NUP214: variants seen among roughly 807,000 people sequenced by gnomAD.
The protein encoded by NUP214 is nuclear pore complex protein Nup214.
A neutral mutation model predicts 196.2 loss-of-function variants in NUP214; 79 were observed. The observed-to-expected ratio is 0.40, with a 90% CI of 0.34 to 0.49. The LOEUF (loss-of-function observed/expected upper bound fraction) is 0.49, where lower values mean the gene tolerates loss of function less well. Ranked by LOEUF, NUP214 falls within the 20% of genes least tolerant of loss-of-function variation. The probability of loss-of-function intolerance (pLI) is 0.58; values close to 1 mark genes in which losing one functional copy is unlikely to be tolerated. For synonymous variants in NUP214, 1,020 were observed against 990.5 expected, an observed-to-expected ratio of 1.03 and a Z score of -0.56; for missense variants, 2,468 against 2,539.0, an observed-to-expected ratio of 0.97 and a Z score of 0.60.
intron 17 of NUP214, among the ~76,000 whole-genome samples, chr9:131,153,536 A>G (rs1832337039): frequency 6.6e-6 from 1 of 152,106 alleles, no homozygotes; most frequent in Admixed American, 6.6e-5. Flanking sequence ...TCCGAGCTAC[A>G]TGTTGTTCCT....
At chr9:131,210,207 C>G (rs191811374) in intron 30 of NUP214, among the ~76,000 whole-genome samples, 5 of 152,242 alleles carry the variant, frequency 3.3e-5, no homozygotes, top group Admixed American at 1.3e-4. Context: ...CAGCAAAAAC[C>G]AACCTATAGA....
intron 21 of NUP214, among the ~76,000 whole-genome samples, chr9:131,173,270 C>G (rs1445426935): frequency 1.3e-5 from 2 of 150,696 alleles, no homozygotes; most frequent in Non-Finnish European, 2.9e-5. Flanking sequence ...ATTTGCCAGG[C>G]TGGTCTTGAA....
Position 131,151,721 on chromosome 9 carries a change from T to C in NUP214, c.2278-15T>C, listed in dbSNP as rs1230588242. On this transcript the variant is annotated splice_polypyrimidine_tract_variant and intron_variant, in intron 16 of 35. Transcript: ENST00000359428. Reference sequence around the variant, plus strand: ...AACAACTTTTTGTACCAACACATTATTGTACTTTTTCTAGTCGCTTCATGG... The same window carrying C: ...AACAACTTTTTGTACCAACACATTACTGTACTTTTTCTAGTCGCTTCATGG... 1.3e-6 allele frequency: 2 copies of C among 1,595,302 alleles called. No homozygotes were observed. Among genetic ancestry groups the C allele is most frequent in the Non-Finnish European group, 1.7e-6 (2 of 1,174,226 alleles).
At chr9:131,222,310 G>T (rs144171722) in intron 31 of NUP214, among the ~76,000 whole-genome samples, 17 of 152,224 alleles carry the variant, frequency 1.1e-4, no homozygotes, top group South Asian at 8.3e-4. Flanking sequence ...CATTTTGCCT[G>T]GGTTGGATTT....
chr9:131,204,763 C>T (rs149461691), intron 30 of NUP214, among the ~76,000 whole-genome samples: 1 of 152,104 alleles, frequency 6.6e-6, no homozygotes, highest in Non-Finnish European at 1.5e-5. Flanking sequence ...CAAAACTAAT[C>T]GATAATAGTA....
At position 131,134,918 on chromosome 9, in the gene NUP214, A is replaced by G; in HGVS notation, c.852A>G (p.Pro284=). Residue 284 remains proline (P), a synonymous_variant, in exon 8 of 36, where the codon CCA becomes CCG. Transcript: ENST00000359428. The part of the protein sequence containing the change: ...ALLPKKEEKH[P]EIFVNFMEPC... ...TGTAGAAAAAAGAAGAAAAGCACCC[A>G]GAGATATTTGTGAACTTTATGGAGC... 1 of 1,613,626 alleles carries G rather than the reference A, an allele frequency of 6.2e-7. No individual in the cohort carries two copies. Among genetic ancestry groups the G allele is most frequent in the South Asian group, 1.1e-5 (1 of 91,080 alleles).
At chr9:131,144,982 T>C (rs1832045982) in intron 12 of NUP214, among the ~76,000 whole-genome samples, 1 of 152,190 alleles carries the variant, frequency 6.6e-6, no homozygotes, top group African/African-American at 2.4e-5. Flanking sequence ...GACTATGGGA[T>C]TTATATTCAG....
At chr9:131,230,100 C>T (rs2131109829) in intron 33 of NUP214, 1 of 198,418 alleles carries the variant, frequency 5.0e-6, no homozygotes, top group South Asian at 7.1e-5. Flanking sequence ...CCAGGTGGGG[C>T]GAGCAGGGGA....
rs1019774239 is a variant in NUP214, at chr9:131,233,535, G to C, written c.*48G>C. The C allele has an allele frequency of 1.9e-6, 3 of 1,610,536 alleles. No homozygotes were observed. Among genetic ancestry groups the C allele is most frequent in the Non-Finnish European group, 2.5e-6 (3 of 1,177,796 alleles). ...ATCCCTGGGACCAACCGCATCCTCA[G>C]CTTCTTCCCCGAGAAATGCTGGAGC... On this transcript the variant is annotated 3_prime_UTR_variant, in exon 36 of 36. Transcript: ENST00000359428.
At position 131,144,272 on chromosome 9, in the gene NUP214, C is replaced by G; in HGVS notation, c.1295-8C>G. The stretch of plus-strand genomic sequence containing the variant: ...TTAACATTTTCCTTCCTTTTTTTGT[C>G]ACTGCAGGAAGTACTCCCACTACCC... On this transcript the variant is annotated splice_polypyrimidine_tract_variant and splice_region_variant and intron_variant, in intron 11 of 35. Coordinates refer to ENST00000359428, the MANE Select transcript of NUP214 (RefSeq NM_005085.4). 6.3e-7 allele frequency: 1 copy of G among 1,588,854 alleles called. No homozygotes were observed. Among genetic ancestry groups the G allele is most frequent in the Non-Finnish European group, 8.6e-7 (1 of 1,166,566 alleles).
intron 24 of NUP214, among the ~76,000 whole-genome samples, chr9:131,180,246 A>G (rs1474417078): frequency 2.6e-5 from 4 of 152,236 alleles, no homozygotes; most frequent in Non-Finnish European, 2.9e-5. Flanking sequence ...GTGTATGCCC[A>G]GCATGGTGCC....
chr9:131,193,406 T>G (rs1289962209), intron 27 of NUP214, among the ~76,000 whole-genome samples: 1 of 152,048 alleles, frequency 6.6e-6, no homozygotes, highest in Non-Finnish European at 1.5e-5. Context: ...TTTAATATAT[T>G]TTTTGAGTGT....
At chr9:131,147,189 T>C (rs995275935) in intron 13 of NUP214, among the ~76,000 whole-genome samples, 2 of 151,928 alleles carry the variant, frequency 1.3e-5, no homozygotes, top group Admixed American at 6.6e-5. Context: ...AGTCTTGCCA[T>C]GTTGCTCAGG....
At chr9:131,199,090 T>A in intron 29 of NUP214, 75 bp downstream of exon 29, 1 of 1,496,602 alleles carries the variant, frequency 6.7e-7, no homozygotes, top group Non-Finnish European at 8.9e-7. Context: ...CCCTATTACT[T>A]TTGTAATTAA....
chr9:131,167,099 A>G (rs1191272286), intron 21 of NUP214: 1 of 152,320 alleles, frequency 6.6e-6, no homozygotes, highest in African/African-American at 2.4e-5. Flanking sequence ...GATTGGATCT[A>G]GGATCCAATC....
intron 33 of NUP214, 119 bp from the exon 34 acceptor site, chr9:131,230,511 T>C: frequency 8.0e-7 from 1 of 1,248,296 alleles, no homozygotes; most frequent in Non-Finnish European, 1.1e-6. Flanking sequence ...AGGCCCAGCC[T>C]GTCACCCTGG....
intron 17 of NUP214, chr9:131,153,102 C>T (rs769227451): frequency 2.0e-5 from 3 of 152,164 alleles, no homozygotes; most frequent in African/African-American, 7.2e-5. Context: ...TTTTGCTAAT[C>T]GGATTTTGCT....
At chr9:131,194,546 G>A (rs1227751489) in intron 27 of NUP214, among the ~76,000 whole-genome samples, 1 of 152,048 alleles carries the variant, frequency 6.6e-6, no homozygotes, top group African/African-American at 2.4e-5. Flanking sequence ...TTTTATCACA[G>A]TGAATAATCT....
intron 31 of NUP214, among the ~76,000 whole-genome samples, chr9:131,221,915 G>A (rs1227920760): frequency 6.6e-6 from 1 of 151,874 alleles, no homozygotes; most frequent in Non-Finnish European, 1.5e-5. Context: ...CAGCTGCTGT[G>A]TATGTGGACT....
Sources: allele counts gnomAD v4.1 joint callset (sites outside exome capture counted in the v4.1 genomes callset), GRCh38; gene constraint gnomAD v4.1.1; transcripts MANE v1.5; gene names NCBI Gene and HGNC (gene_info 2026-07-23, HGNC 2026-07-21).